FAF1: variants seen among roughly 807,000 people sequenced by gnomAD.
FAF1 encodes Fas associated factor 1.
Under a neutral mutation model 92.5 loss-of-function variants are expected in FAF1, and 25 were observed. The observed-to-expected ratio is 0.27, with a 90% confidence interval of 0.20 to 0.38. FAF1 has a LOEUF of 0.38. Among genes scored for constraint, FAF1 ranks in the 10% least tolerant of loss-of-function variants. The pLI, the probability that FAF1 is intolerant of heterozygous loss-of-function variation, is 1.00. For missense variants in FAF1, 636 were observed against 793.3 expected (o/e 0.80, Z 2.38); for synonymous variants, 234 against 273.2 (o/e 0.86, Z 1.42).
intron 7 of FAF1, among the ~76,000 whole-genome samples, chr1:50,700,151 C>CT (rs796428591): frequency 0.018 from 2,692 of 147,582 alleles, 89 homozygotes; most frequent in African/African-American, 0.061. Flanking sequence ...TCATACCCCC[C>CT]TTTTTTTTTT....
At chr1:50,921,357 C>T (rs1408150392) in intron 1 of FAF1, among the ~76,000 whole-genome samples, 1 of 152,224 alleles carries the variant, frequency 6.6e-6, no homozygotes, top group Non-Finnish European at 1.5e-5. Flanking sequence ...AGCTTGACAC[C>T]TCCTGCCTGT....
chr1:50,675,523 G>A lies in FAF1; in HGVS notation c.658-19995C>T, dbSNP rs115703757. On this transcript the variant is annotated intron_variant, in intron 7 of 18. Coordinates refer to ENST00000396153, the MANE Select transcript of FAF1 (RefSeq NM_007051.3). ...CTGATTGCTGTTATAGAAAATGTAG[G>A]GTTCAGCATTACCAGGATTTTCTGA... Among the ~76,000 whole-genome samples the A allele has an allele frequency of 4.4e-3, 665 of 152,252 alleles. 4 individuals are homozygous for A. The highest frequency in any genetic ancestry group is 0.013 in the African/African-American group (545 of 41,536).
chr1:50,745,055 A>C (rs528672014), intron 4 of FAF1, among the ~76,000 whole-genome samples: 1 of 152,352 alleles, frequency 6.6e-6, no homozygotes, highest in East Asian at 1.9e-4. Flanking sequence ...TGAGAGGCCA[A>C]GGTGGGCAGA....
intron 15 of FAF1, among the ~76,000 whole-genome samples, chr1:50,494,332 T>C (rs1378073839): frequency 1.3e-5 from 2 of 152,238 alleles, no homozygotes; most frequent in African/African-American, 2.4e-5. Flanking sequence ...TGTATAAATT[T>C]GTTCTCATAA....
chr1:50,460,417 G>A (rs1482231366), intron 18 of FAF1, among the ~76,000 whole-genome samples: 1 of 152,146 alleles, frequency 6.6e-6, no homozygotes, highest in African/African-American at 2.4e-5. Flanking sequence ...CTGAAGTGCT[G>A]TCTAGTGTTC....
intron 1 of FAF1, among the ~76,000 whole-genome samples, chr1:50,921,852 C>T (rs1644965755): frequency 6.6e-6 from 1 of 151,948 alleles, no homozygotes; most frequent in African/African-American, 2.4e-5. Flanking sequence ...GAGAAGAGGA[C>T]TCAAATGTAA....
intron 7 of FAF1, among the ~76,000 whole-genome samples, chr1:50,691,147 AAACTTTTTCCACAG>A (rs139626367): frequency 0.014 from 2,103 of 152,336 alleles, 46 homozygotes; most frequent in African/African-American, 0.047. Flanking sequence ...AGGAACTATC[AAACTTTTTCCACAG>A]CTACTACATT....
chr1:50,696,476 T>C (rs1396692948), intron 7 of FAF1, among the ~76,000 whole-genome samples: 1 of 152,244 alleles, frequency 6.6e-6, no homozygotes, highest in African/African-American at 2.4e-5. Context: ...CTTTGATTGT[T>C]ATGCCTCAAT....
At chr1:50,905,879 T>A (rs149007343) in intron 1 of FAF1, among the ~76,000 whole-genome samples, 10,104 of 152,298 alleles carry the variant, frequency 0.066, 411 homozygotes, top group East Asian at 0.094. Context: ...GCTCTTTAGT[T>A]TAATTAGATC....
intron 4 of FAF1, among the ~76,000 whole-genome samples, chr1:50,775,332 A>C (rs1660916004): frequency 6.6e-6 from 1 of 152,142 alleles, no homozygotes; most frequent in Non-Finnish European, 1.5e-5. Flanking sequence ...GAGAGGAATA[A>C]GACCTGCTCT....
chr1:50,804,467 G>C lies in FAF1; in HGVS notation c.115-2790C>G, dbSNP rs201243572. ...AAGGACAGACAGGAGGAAAAAGACTGGGAAAGTGTTACAGAGGAGGCAAAG... is the reference window on the plus strand; with the variant it reads ...AAGGACAGACAGGAGGAAAAAGACTCGGAAAGTGTTACAGAGGAGGCAAAG... On this transcript the variant is annotated intron_variant, in intron 2 of 18. Transcript: ENST00000396153. 5.9e-5 allele frequency among the ~76,000 whole-genome samples: 9 copies of C among 152,194 alleles called. No individual in the cohort carries two copies. The East Asian group carries it at 1.7e-3, about 29-fold the overall frequency.
chr1:50,602,727 C>A (rs11205740), intron 8 of FAF1, among the ~76,000 whole-genome samples: 4,686 of 152,058 alleles, frequency 0.031, 241 homozygotes, highest in African/African-American at 0.11. Flanking sequence ...ATCTTGAACT[C>A]CTCACCTCAA....
At chr1:50,803,563 C>T (rs1292107960) in intron 2 of FAF1, among the ~76,000 whole-genome samples, 1 of 151,992 alleles carries the variant, frequency 6.6e-6, no homozygotes, top group Non-Finnish European at 1.5e-5. Context: ...AATAAAGGCA[C>T]TCAATAATTA....
At chr1:50,906,148 T>C (rs1051910645) in intron 1 of FAF1, among the ~76,000 whole-genome samples, 1 of 152,220 alleles carries the variant, frequency 6.6e-6, no homozygotes, top group African/African-American at 2.4e-5. Flanking sequence ...CCTTTCCCCA[T>C]TTCTTGTTTT....
intron 18 of FAF1, among the ~76,000 whole-genome samples, chr1:50,460,185 C>A (rs1024051650): frequency 6.6e-6 from 1 of 152,186 alleles, no homozygotes; most frequent in Non-Finnish European, 1.5e-5. Context: ...GACCTCATAG[C>A]CTAAATTCCA....
chr1:50,879,351 T>C (rs1021296202), intron 1 of FAF1, among the ~76,000 whole-genome samples: 2 of 152,224 alleles, frequency 1.3e-5, no homozygotes, highest in African/African-American at 4.8e-5. Context: ...TGGAATTTGG[T>C]AACTGTTCTC....
At chr1:50,955,741 G>C (rs1645261349) in intron 1 of FAF1, among the ~76,000 whole-genome samples, 1 of 152,256 alleles carries the variant, frequency 6.6e-6, no homozygotes, top group East Asian at 1.9e-4. Flanking sequence ...CAACCTAAAT[G>C]TCCATGGAAG....
chr1:50,849,783 A>G (rs1183853311), intron 2 of FAF1, among the ~76,000 whole-genome samples: 1 of 152,196 alleles, frequency 6.6e-6, no homozygotes, highest in African/African-American at 2.4e-5. Flanking sequence ...ATAGCATTAC[A>G]TTAGAGCTAC....
intron 1 of FAF1, among the ~76,000 whole-genome samples, chr1:50,947,111 G>A (rs965217745): frequency 6.6e-6 from 1 of 152,046 alleles, no homozygotes; most frequent in Non-Finnish European, 1.5e-5. Flanking sequence ...AAAGCTAGAA[G>A]TTACTGCTAT....
Sources: gnomAD v4.1 joint callset for allele counts (sites outside exome capture counted in the v4.1 genomes callset) on GRCh38, gnomAD v4.1.1 for gene constraint, MANE v1.5 for transcripts, NCBI Gene and HGNC (gene_info 2026-07-23, HGNC 2026-07-21) for gene names.